Variants in FAM120A observed in about 807,000 individuals in gnomAD.
The protein encoded by FAM120A is family with sequence similarity 120 member A.
FAM120A carries 15 observed loss-of-function variants against 109.7 expected under a neutral mutation model. The observed-to-expected ratio is 0.14, with a 90% confidence interval of 0.09 to 0.21. The LOEUF (loss-of-function observed/expected upper bound fraction) is 0.21, where lower values mean the gene tolerates loss of function less well. FAM120A is among the 10% of genes least tolerant of loss of function. The probability of loss-of-function intolerance (pLI) is 1.00; values close to 1 mark genes in which losing one functional copy is unlikely to be tolerated. For synonymous variants in FAM120A, 493 were observed against 572.8 expected (o/e 0.86, Z 1.99); for missense variants, 899 against 1,439.3 (o/e 0.62, Z 6.07).
At chr9:93,486,229 C>T (rs1859045466) in intron 3 of FAM120A, among the ~76,000 whole-genome samples, 1 of 152,034 alleles carries the variant, frequency 6.6e-6, no homozygotes, top group Non-Finnish European at 1.5e-5. Flanking sequence ...CCACCTCGGC[C>T]TCCCATAGTC....
intron 13 of FAM120A, 38 bp downstream of exon 13, chr9:93,556,629 T>A (rs1862290263): frequency 1.3e-6 from 2 of 1,556,382 alleles, no homozygotes; most frequent in Non-Finnish European, 1.8e-6. Context: ...TTAACTGCAA[T>A]GAAATAAAGC....
chr9:93,457,460 A>G (rs926845636), intron 1 of FAM120A, among the ~76,000 whole-genome samples: 1 of 152,072 alleles, frequency 6.6e-6, no homozygotes, highest in Non-Finnish European at 1.5e-5. Context: ...TTTGTAAGAA[A>G]TCTTTCCATG....
intron 11 of FAM120A, among the ~76,000 whole-genome samples, chr9:93,545,404 T>C (rs138203627): frequency 6.6e-6 from 1 of 152,372 alleles, no homozygotes; most frequent in African/African-American, 2.4e-5. Context: ...TCTAGCATCC[T>C]GCTGCATTCG....
chr9:93,486,641 C>T (rs573967673), intron 3 of FAM120A, among the ~76,000 whole-genome samples: 45 of 150,176 alleles, frequency 3.0e-4, no homozygotes, highest in African/African-American at 9.5e-4. Flanking sequence ...TCAAGTGATT[C>T]GCTTGTGTTA....
chr9:93,479,288 C>A (rs892901270), intron 3 of FAM120A, among the ~76,000 whole-genome samples: 2 of 151,698 alleles, frequency 1.3e-5, no homozygotes, highest in African/African-American at 4.8e-5. Context: ...TTAGTAGAGA[C>A]GGGGTTTCAC....
At chr9:93,550,751 A>G (rs1862069433) in intron 12 of FAM120A, 60 bp downstream of exon 12, 2 of 1,291,690 alleles carry the variant, frequency 1.5e-6, no homozygotes, top group African/African-American at 1.5e-5. Flanking sequence ...TTGGTGTAAT[A>G]CTGCTAACTT....
intron 3 of FAM120A, among the ~76,000 whole-genome samples, chr9:93,484,964 C>G (rs1264285119): frequency 6.6e-6 from 1 of 152,242 alleles, no homozygotes; most frequent in Non-Finnish European, 1.5e-5. Context: ...TAAACATTTT[C>G]TAGCTTACTT....
intron 3 of FAM120A, among the ~76,000 whole-genome samples, chr9:93,490,526 G>A (rs1263125456): frequency 1.3e-5 from 2 of 152,158 alleles, no homozygotes; most frequent in African/African-American, 2.4e-5. Flanking sequence ...TTTGAGTACT[G>A]TGGCATGTTG....
At chr9:93,557,745 A>T (rs1564361288) in intron 13 of FAM120A, 82 bp from the exon 14 acceptor site, 3 of 1,345,332 alleles carry the variant, frequency 2.2e-6, no homozygotes, top group Middle Eastern at 1.9e-4. Context: ...TAGTTGATAG[A>T]TCTTATTTCT....
At chr9:93,503,180 C>T (rs950899322) in intron 5 of FAM120A, among the ~76,000 whole-genome samples, 1 of 152,224 alleles carries the variant, frequency 6.6e-6, no homozygotes, top group African/African-American at 2.4e-5. Flanking sequence ...GGTACAGCGA[C>T]TTTGGAAGAC....
At chr9:93,529,289 T>C in intron 8 of FAM120A, 64 bp from the exon 9 acceptor site, 5 of 1,419,196 alleles carry the variant, frequency 3.5e-6, no homozygotes. Flanking sequence ...GCACCTACCA[T>C]ACTTTAAATG....
chr9:93,558,115 G>T (rs749868989), intron 14 of FAM120A, 105 bp downstream of exon 14: 1 of 1,215,776 alleles, frequency 8.2e-7, no homozygotes, highest in African/African-American at 1.5e-5. Flanking sequence ...CCTTGTCACT[G>T]TTGGTCTTGG....
intron 3 of FAM120A, among the ~76,000 whole-genome samples, chr9:93,479,632 C>A (rs1465815371): frequency 6.6e-6 from 1 of 151,974 alleles, no homozygotes; most frequent in Admixed American, 6.5e-5. Flanking sequence ...CACAAAATAC[C>A]ATGGATAGGA....
chr9:93,469,059 T>A (rs1858189197), intron 1 of FAM120A, among the ~76,000 whole-genome samples: 1 of 152,238 alleles, frequency 6.6e-6, no homozygotes, highest in Non-Finnish European at 1.5e-5. Flanking sequence ...CTGCCCATGC[T>A]GCATGGATAC....
intron 3 of FAM120A, among the ~76,000 whole-genome samples, chr9:93,482,796 C>G (rs1384448144): frequency 6.6e-6 from 1 of 152,134 alleles, no homozygotes; most frequent in Non-Finnish European, 1.5e-5. Context: ...GAACAGTCCT[C>G]TCTCTTGGGC....
Position 93,498,932 on chromosome 9 carries a change from C to T in FAM120A, c.1030+46C>T. 9.0e-7 allele frequency: 1 copy of T among 1,114,738 alleles called. No individual in the cohort carries two copies. Among genetic ancestry groups the T allele is most frequent in the Non-Finnish European group, 1.4e-6 (1 of 730,106 alleles). The allele number at this position is 1,114,738 out of a possible 1,614,324, so 69.1% of individuals were successfully genotyped here. On this transcript the variant is annotated intron_variant, in intron 5 of 17. Transcript: ENST00000277165. This position sits in a 1 kb window ranked among gnomAD's most constrained non-coding sequence, Gnocchi z 4.4. ...GATCAATATTGACCATATGATAATC[C>T]AAGTAGGTTTAAATATTCACCATAT...
chr9:93,489,178 C>G (rs1249787161), intron 3 of FAM120A, among the ~76,000 whole-genome samples: 1 of 151,904 alleles, frequency 6.6e-6, no homozygotes, highest in East Asian at 1.9e-4. Context: ...AAAAAGACCA[C>G]AGTGCTGTGG....
At chr9:93,551,184 G>A (rs990965039) in intron 12 of FAM120A, among the ~76,000 whole-genome samples, 2 of 152,046 alleles carry the variant, frequency 1.3e-5, no homozygotes, top group Admixed American at 6.5e-5. Context: ...CTTGAAGAAC[G>A]ATGTTACATC....
intron 7 of FAM120A, among the ~76,000 whole-genome samples, chr9:93,518,855 G>C (rs539929390): frequency 6.6e-6 from 1 of 152,292 alleles, no homozygotes; most frequent in East Asian, 1.9e-4. Flanking sequence ...CGTGGCCCAC[G>C]GGCCGCACGC....
Sources: allele counts gnomAD v4.1 joint callset (sites outside exome capture counted in the v4.1 genomes callset), GRCh38; gene constraint gnomAD v4.1.1; non-coding constraint Gnocchi (gnomAD v3.1); transcripts MANE v1.5; gene names NCBI Gene and HGNC (gene_info 2026-07-23, HGNC 2026-07-21).